Variants in NGLY1 observed in about 807,000 individuals in gnomAD.
NGLY1 encodes the protein peptide-N(4)-(N-acetyl-beta-glucosaminyl)asparagine amidase.
In NGLY1, 68 loss-of-function variants were observed where a neutral mutation model predicts 84.6. That is an observed-to-expected ratio of 0.80 (90% CI 0.66 to 0.98). The LOEUF (loss-of-function observed/expected upper bound fraction) is 0.98. Among genes scored for constraint, NGLY1 ranks in the 50% least tolerant of loss-of-function variants. NGLY1 has a pLI of 0.00. For synonymous variants in NGLY1, 280 were observed against 275.2 expected (o/e 1.02, Z -0.17); for missense variants, 779 against 770.2 (o/e 1.01, Z -0.14).
At chr3:25,772,535 T>C (rs1425764352) in intron 2 of NGLY1, among the ~76,000 whole-genome samples, 1 of 152,222 alleles carries the variant, frequency 6.6e-6, no homozygotes, top group Non-Finnish European at 1.5e-5. Flanking sequence ...TTAGTCTTTA[T>C]GTATTAAGTG....
chr3:25,749,172 G>A (rs1475047064), intron 4 of NGLY1, among the ~76,000 whole-genome samples: 1 of 152,150 alleles, frequency 6.6e-6, no homozygotes, highest in African/African-American at 2.4e-5. Context: ...AGTCACTGTG[G>A]AAAACAGTAT....
At position 25,783,377 on chromosome 3, in the gene NGLY1, G is replaced by T. The variant is rs779267801; in HGVS notation, c.14C>A (p.Ala5Glu). 7.8e-5 allele frequency: 120 copies of T among 1,541,834 alleles called. No individual in the cohort carries two copies. The highest frequency in any genetic ancestry group is 9.8e-5 in the Non-Finnish European group (112 of 1,144,952). Residue 5 changes from alanine to glutamate, a missense_variant, in exon 1 of 12, where the codon GCA becomes GAA. Coordinates refer to ENST00000280700, the MANE Select transcript of NGLY1 (RefSeq NM_018297.4). The surrounding 1 kb of genome is among the most constrained non-coding windows in gnomAD (Gnocchi z 4.5). ...CGCCGAGCCTGAGGAGCTGCCCAATGCCGCCGCCGCCATGCTTGAGCGCCA... is the reference window on the plus strand; with the variant it reads ...CGCCGAGCCTGAGGAGCTGCCCAATTCCGCCGCCGCCATGCTTGAGCGCCA... MAAA[A>E]LGSSSGSASP... is the part of the protein sequence containing the mutation.
At position 25,783,047 on chromosome 3, in the gene NGLY1, AC is replaced by A; in HGVS notation, c.131+212del. 3 of 520,830 alleles carry A rather than the reference AC, an allele frequency of 5.8e-6. No homozygotes were observed. The South Asian group carries it at 7.1e-5, about 12-fold the overall frequency. The allele number at this position is 520,830 out of a possible 1,614,324, so 32.3% of individuals were successfully genotyped here. Reference sequence around the variant, plus strand: ...GGTGCCAAGTCACAACTGCAAAGAAACTTCCTTTTCTCGAGCGGGGGTGGGA... The same window carrying A: ...GGTGCCAAGTCACAACTGCAAAGAAATTCCTTTTCTCGAGCGGGGGTGGGA... On this transcript the variant is annotated intron_variant, in intron 1 of 11. Transcript: ENST00000280700. This position sits in a 1 kb window ranked among gnomAD's most constrained non-coding sequence, Gnocchi z 4.5.
At chr3:25,743,876 C>G (rs1706280845) in intron 4 of NGLY1, among the ~76,000 whole-genome samples, 1 of 152,142 alleles carries the variant, frequency 6.6e-6, no homozygotes, top group Non-Finnish European at 1.5e-5. Context: ...GTCAATGTTC[C>G]TCATTTAAAC....
intron 3 of NGLY1, among the ~76,000 whole-genome samples, chr3:25,756,206 C>A (rs144617294): frequency 6.6e-6 from 1 of 152,256 alleles, no homozygotes; most frequent in East Asian, 1.9e-4. Flanking sequence ...CAACTGAACT[C>A]CCTTTCTAAA....
At chr3:25,779,871 A>G (rs1375043557) in intron 1 of NGLY1, among the ~76,000 whole-genome samples, 1 of 151,928 alleles carries the variant, frequency 6.6e-6, no homozygotes, top group Non-Finnish European at 1.5e-5. Flanking sequence ...CAAATGCTCT[A>G]TTTTTTTTGC....
intron 2 of NGLY1, among the ~76,000 whole-genome samples, chr3:25,768,420 T>C (rs1185117782): frequency 1.6e-5 from 1 of 63,260 alleles, no homozygotes; most frequent in Non-Finnish European, 4.3e-5. Context: ...TGAAACTCCA[T>C]CTAAAAAAAA....
At position 25,736,146 on chromosome 3, in the gene NGLY1, T is replaced by A; in HGVS notation, c.1007A>T (p.His336Leu). 6.2e-7 allele frequency: 1 copy of A among 1,611,140 alleles called. No homozygotes were observed. Among genetic ancestry groups the A allele is most frequent in the Non-Finnish European group, 8.5e-7 (1 of 1,179,050 alleles). The change falls in exon 7 of 12, where the codon CAT becomes CTT. Residue 336 changes from histidine to leucine, a missense_variant. Coordinates refer to ENST00000280700, the MANE Select transcript of NGLY1 (RefSeq NM_018297.4). ...EARYVWDYTD[H>L]VWTEVYSPSQ... ...AGGAGAATAGACTTCTGTCCAGACATGGTCTACTCAAGTAAGAGAAAAGAG... is the reference window on the plus strand; with the variant it reads ...AGGAGAATAGACTTCTGTCCAGACAAGGTCTACTCAAGTAAGAGAAAAGAG...
chr3:25,779,060 C>G (rs1351469206), intron 1 of NGLY1, among the ~76,000 whole-genome samples: 1 of 150,118 alleles, frequency 6.7e-6, no homozygotes, highest in Non-Finnish European at 1.5e-5. Context: ...CTCAGCCTCC[C>G]AAGTAGCTAG....
intron 1 of NGLY1, chr3:25,789,646 T>C: frequency 1.7e-6 from 1 of 602,204 alleles, no homozygotes; most frequent in South Asian, 2.1e-5. Context: ...ACACAACAAA[T>C]TTCCTGATGT....
intron 3 of NGLY1, among the ~76,000 whole-genome samples, chr3:25,763,772 C>T (rs1467287500): frequency 1.3e-5 from 2 of 152,090 alleles, no homozygotes; most frequent in African/African-American, 4.8e-5. Flanking sequence ...TCTTAATTAC[C>T]TTAAACCTAA....
At chr3:25,723,675 A>AT (rs1553650985) in intron 10 of NGLY1, among the ~76,000 whole-genome samples, 8 of 152,026 alleles carry the variant, frequency 5.3e-5, no homozygotes, top group Middle Eastern at 6.8e-3. Flanking sequence ...GAGAAAAAAA[A>AT]TTTTTTTTAC....
chr3:25,773,699 A>G (rs1439450685), intron 2 of NGLY1, among the ~76,000 whole-genome samples: 1 of 152,110 alleles, frequency 6.6e-6, no homozygotes, highest in Non-Finnish European at 1.5e-5. Context: ...CTGTTTTGTC[A>G]TATTACCAGA....
At chr3:25,755,701 T>C (rs1707004488) in intron 3 of NGLY1, 5 of 1,366,962 alleles carry the variant, frequency 3.7e-6, no homozygotes, top group African/African-American at 1.4e-5. Context: ...CTAGTCTAGA[T>C]GCATTTCAAA....
intron 2 of NGLY1, among the ~76,000 whole-genome samples, chr3:25,767,947 T>C (rs1283146254): frequency 6.6e-6 from 1 of 151,244 alleles, no homozygotes; most frequent in African/African-American, 2.4e-5. Context: ...ACCCCGTCTC[T>C]ACTAAAAACA....
intron 2 of NGLY1, among the ~76,000 whole-genome samples, chr3:25,772,080 T>C (rs1302587833): frequency 6.6e-6 from 1 of 152,212 alleles, no homozygotes; most frequent in Non-Finnish European, 1.5e-5. Context: ...ATAGAAGTGG[T>C]GAAAGTGGGC....
intron 2 of NGLY1, among the ~76,000 whole-genome samples, chr3:25,773,539 CTCTTTAAATT>C: frequency 6.6e-6 from 1 of 152,080 alleles, no homozygotes; most frequent in Non-Finnish European, 1.5e-5. Context: ...TCCTGTATCA[CTCTTTAAATT>C]TCTTTAAGTT....
chr3:25,773,745 C>T (rs1262453472), intron 2 of NGLY1, among the ~76,000 whole-genome samples: 14 of 152,134 alleles, frequency 9.2e-5, no homozygotes, highest in Non-Finnish European at 1.5e-5. Flanking sequence ...TAGGTATAGA[C>T]TATGTCAGAG....
intron 2 of NGLY1, among the ~76,000 whole-genome samples, chr3:25,765,234 C>T (rs1171098724): frequency 1.3e-5 from 2 of 151,726 alleles, no homozygotes; most frequent in Non-Finnish European, 2.9e-5. Flanking sequence ...CTCACATGGG[C>T]AGATTACCTG....
Sources: allele counts gnomAD v4.1 joint callset (sites outside exome capture counted in the v4.1 genomes callset), GRCh38; gene constraint gnomAD v4.1.1; non-coding constraint Gnocchi (gnomAD v3.1); transcripts MANE v1.5; gene names NCBI Gene and HGNC (gene_info 2026-07-23, HGNC 2026-07-21).